SMARCC2: variants seen among roughly 807,000 people sequenced by gnomAD.
SMARCC2 encodes the protein SWI/SNF complex subunit SMARCC2.
A neutral mutation model predicts 151.3 loss-of-function variants in SMARCC2; 15 were observed. That is an observed-to-expected ratio of 0.10 (90% CI 0.07 to 0.15). The LOEUF is 0.15. Ranked by LOEUF, SMARCC2 falls within the 10% of genes least tolerant of loss-of-function variation. The pLI is 1.00. For missense variants in SMARCC2, 1,031 were observed against 1,599.7 expected, an observed-to-expected ratio of 0.64 and a Z score of 6.06; for synonymous variants, 590 against 609.5, an observed-to-expected ratio of 0.97 and a Z score of 0.47.
chr12:56,167,149 C>T (rs1290091112), intron 26 of SMARCC2, among the ~76,000 whole-genome samples: 2 of 148,884 alleles, frequency 1.3e-5, no homozygotes, highest in African/African-American at 5.0e-5. Flanking sequence ...ATCGGGAGTT[C>T]GAGACCAGCC....
chr12:56,183,676 A>G (rs1876689382), intron 7 of SMARCC2, 185 bp downstream of exon 7: 9 of 522,836 alleles, frequency 1.7e-5, no homozygotes, highest in Non-Finnish European at 3.1e-5. Flanking sequence ...CAATCCTTTT[A>G]GCCCAAGGCT....
At chr12:56,188,669 C>T (rs1297076401) in intron 1 of SMARCC2, among the ~76,000 whole-genome samples, 1 of 152,150 alleles carries the variant, frequency 6.6e-6, no homozygotes, top group Non-Finnish European at 1.5e-5. Flanking sequence ...ACCCAGGGTA[C>T]TGCAAAGCTA....
chr12:56,163,444 G>A lies in SMARCC2; in HGVS notation c.*245C>T. On this transcript the variant is annotated 3_prime_UTR_variant, in exon 29 of 29. Coordinates refer to ENST00000550164, the MANE Select transcript of SMARCC2 (RefSeq NM_001330288.2). ...TTTCACCAGCCCTTCCTTTAGGGCA[G>A]CATTCCCATCCTATCCTCTCTCCCA... The A allele has an allele frequency of 3.1e-6, 1 of 321,670 alleles. No individual in the cohort carries two copies. Among genetic ancestry groups the A allele is most frequent in the Non-Finnish European group, 5.6e-6 (1 of 177,094 alleles). 19.9% of individuals were successfully genotyped at this position (321,670 alleles called of 1,614,324 possible). A position where few individuals can be genotyped will look rare whatever the true frequency, so the allele number is the denominator to read the frequency against.
intron 16 of SMARCC2, 102 bp from the exon 17 acceptor site, chr12:56,173,951 C>T (rs1874449255): frequency 9.7e-7 from 1 of 1,034,932 alleles, no homozygotes; most frequent in South Asian, 1.6e-5. Flanking sequence ...CCCTCCCCAC[C>T]CAACCCCGGC....
intron 12 of SMARCC2, 31 bp from the exon 13 acceptor site, chr12:56,178,878 G>A (rs1249493876): frequency 2.7e-5 from 43 of 1,612,788 alleles, no homozygotes; most frequent in Non-Finnish European, 3.5e-5. Flanking sequence ...TGTAAGGCTG[G>A]AGCCTCCTGA....
rs1377649931 is a variant in SMARCC2 at position 56,169,608 on chromosome 12, T to TTTG, written c.2633_2635dup (p.Thr878dup). Reference sequence around the variant, plus strand: ...GCCCTCGCCAATGTCCCGCTCCACCTTTGTCTTCCTTTCCCCCTCAGACTC... The same window carrying TTTG: ...GCCCTCGCCAATGTCCCGCTCCACCTTTGTTGTCTTCCTTTCCCCCTCAGACTC... On this transcript the variant is annotated inframe_insertion, in exon 25 of 29. Transcript: ENST00000550164. 6.2e-7 allele frequency: 1 copy of TTTG among 1,614,012 alleles called. No homozygotes were observed. Among genetic ancestry groups the TTTG allele is most frequent in the Admixed American group, 1.7e-5 (1 of 59,966 alleles).
chr12:56,179,629 G>C (rs1421589941), intron 11 of SMARCC2, among the ~76,000 whole-genome samples: 1 of 152,136 alleles, frequency 6.6e-6, no homozygotes, highest in Non-Finnish European at 1.5e-5. Context: ...TTCTAACATA[G>C]GACGCAAAAG....
Position 56,181,109 on chromosome 12 carries a change from G to T in SMARCC2, c.957-8C>A. On this transcript the variant is annotated splice_polypyrimidine_tract_variant and splice_region_variant and intron_variant, in intron 10 of 28. Coordinates refer to ENST00000550164, the MANE Select transcript of SMARCC2 (RefSeq NM_001330288.2). ...GTGTAAGGTGTTGAGGGACTGGGAA[G>T]GAAAGAGAGTGAAAGAGAACCCAGT... The T allele has an allele frequency of 6.2e-7, 1 of 1,608,120 alleles. No homozygotes were observed. The highest frequency in any genetic ancestry group is 8.5e-7 in the Non-Finnish European group (1 of 1,178,110).
intron 1 of SMARCC2, 44 bp downstream of exon 1, chr12:56,189,299 GGTCCCTTT>G: frequency 8.4e-7 from 1 of 1,185,512 alleles, no homozygotes; most frequent in Non-Finnish European, 1.2e-6. Flanking sequence ...GCAGGGCCGC[GGTCCCTTT>G]GTCCCGCCCC....
At chr12:56,167,011 C>T (rs1416195633) in intron 26 of SMARCC2, among the ~76,000 whole-genome samples, 3 of 144,882 alleles carry the variant, frequency 2.1e-5, no homozygotes, top group South Asian at 2.2e-4. Context: ...TGCAGTGAGC[C>T]GTGATTGCAC....
chr12:56,182,807 T>C (rs1477527357), intron 7 of SMARCC2, among the ~76,000 whole-genome samples: 1 of 138,996 alleles, frequency 7.2e-6, no homozygotes, highest in Non-Finnish European at 1.5e-5. Flanking sequence ...TGTTTTTACA[T>C]AATCATAACC....
rs1414326129 is a variant in SMARCC2, at chr12:56,165,676, G to A, written c.2874C>T (p.Leu958=). The A allele has an allele frequency of 1.2e-6, 2 of 1,611,342 alleles. No homozygotes were observed. Among genetic ancestry groups the A allele is most frequent in the Admixed American group, 1.7e-5 (1 of 60,006 alleles). ...TGTGGAAGGCTTGTCTGTCGGCCAG[G>A]AGCTGCTGCCTCTGATACTCCAGCT... ...REALEYQRQQ[L]LADRQAFHME... Residue 958 remains leucine (L), a synonymous_variant, in exon 27 of 29, where the codon CTC becomes CTT. Coordinates refer to ENST00000550164, the MANE Select transcript of SMARCC2 (RefSeq NM_001330288.2).
intron 14 of SMARCC2, 93 bp from the exon 15 acceptor site, chr12:56,178,186 A>G (rs550581333): frequency 3.5e-5 from 38 of 1,093,436 alleles, no homozygotes; most frequent in Non-Finnish European, 4.4e-5. Flanking sequence ...AAAGAAGGAA[A>G]AGAGCTCGAA....
chr12:56,181,153 C>A, intron 10 of SMARCC2, 52 bp from the exon 11 acceptor site: 1 of 1,571,824 alleles, frequency 6.4e-7, no homozygotes, highest in Non-Finnish European at 8.6e-7. Flanking sequence ...GACAAGGAGT[C>A]CCTGGAAGTT....
intron 22 of SMARCC2, among the ~76,000 whole-genome samples, chr12:56,170,421 T>G (rs1407769275): frequency 6.6e-6 from 1 of 151,852 alleles, no homozygotes; most frequent in Admixed American, 6.6e-5. Flanking sequence ...AACACCTGTT[T>G]TTTTTTGTTT....
intron 6 of SMARCC2, 83 bp from the exon 7 acceptor site, chr12:56,184,013 A>T: frequency 1.8e-6 from 2 of 1,129,642 alleles, no homozygotes; most frequent in Non-Finnish European, 2.7e-6. Context: ...TAACTAATGC[A>T]CTCTCCTGTT....
chr12:56,166,731 A>C, intron 26 of SMARCC2, among the ~76,000 whole-genome samples: 1 of 151,738 alleles, frequency 6.6e-6, no homozygotes, highest in East Asian at 1.9e-4. Context: ...CTGGGACCAC[A>C]GGCTCGCACC....
In SMARCC2 at chr12:56,162,409, A is replaced by G; in HGVS notation, c.*1280T>C. On this transcript the variant is annotated 3_prime_UTR_variant, in exon 29 of 29. Transcript: ENST00000550164. ...AAAAAAAAAAAAAAGAAAGAAAGAAAAAAAGAGAAAATTTACAGAAAACTT... is the reference window on the plus strand; with the variant it reads ...AAAAAAAAAAAAAAGAAAGAAAGAAGAAAAGAGAAAATTTACAGAAAACTT... 3.1e-6 allele frequency: 2 copies of G among 645,050 alleles called. No individual in the cohort carries two copies. The highest frequency in any genetic ancestry group is 1.8e-5 in the South Asian group (1 of 56,750). The allele number at this position is 645,050 out of a possible 1,614,324, so 40.0% of individuals were successfully genotyped here.
At chr12:56,180,360 C>T (rs191178546) in intron 11 of SMARCC2, among the ~76,000 whole-genome samples, 2 of 151,272 alleles carry the variant, frequency 1.3e-5, no homozygotes, top group East Asian at 2.0e-4. Context: ...CCGCCCACCT[C>T]GGCCTGCCAA....
Sources: gnomAD v4.1 joint callset for allele counts (sites outside exome capture counted in the v4.1 genomes callset) on GRCh38, gnomAD v4.1.1 for gene constraint, MANE v1.5 for transcripts, NCBI Gene and HGNC (gene_info 2026-07-23, HGNC 2026-07-21) for gene names.